Variants in ETHE1 observed in about 807,000 individuals in gnomAD.
ETHE1 encodes the protein persulfide dioxygenase ETHE1, mitochondrial.
In ETHE1, 16 loss-of-function variants were observed where a neutral mutation model predicts 25.7. That is an observed-to-expected ratio of 0.62 (90% CI 0.42 to 0.95). ETHE1 has a LOEUF of 0.95. Ranked by LOEUF, ETHE1 falls within the 40% of genes least tolerant of loss-of-function variation. ETHE1 has a pLI of 0.00. For missense variants in ETHE1, 300 were observed against 333.6 expected (o/e 0.90, Z 0.79); for synonymous variants, 139 against 135.9 (o/e 1.02, Z -0.16).
intron 5 of ETHE1, 101 bp from the exon 6 acceptor site, chr19:43,508,161 C>G (rs1310938759): frequency 1.4e-5 from 22 of 1,552,268 alleles, no homozygotes; most frequent in Non-Finnish European, 1.8e-5. Flanking sequence ...CTGGCAGGGG[C>G]TCTTCCCAGA....
Position 43,526,273 on chromosome 19 carries a change from GAC to G in ETHE1, c.301_302del (p.Val101HisfsTer5). On this transcript the variant is annotated frameshift_variant, in exon 3 of 7. Coordinates refer to ENST00000292147, the MANE Select transcript of ETHE1 (RefSeq NM_014297.5). LOFTEE classifies it high-confidence loss of function. ...LRSLLPGCQS[V>X]ISRLSGAQAD... ...CCTGGGCCCCACTAAGGCGGGAGATGACAGACTGGCAGCCAGGGAGGAGGGAA... is the reference window on the plus strand; with the variant it reads ...CCTGGGCCCCACTAAGGCGGGAGATGAGACTGGCAGCCAGGGAGGAGGGAA... 1 of 1,614,176 alleles carries G rather than the reference GAC, an allele frequency of 6.2e-7. No homozygotes were observed. Among genetic ancestry groups the G allele is most frequent in the South Asian group, 1.1e-5 (1 of 91,074 alleles).
chr19:43,516,989 T>C lies in ETHE1; in HGVS notation c.376-5423A>G, dbSNP rs78567869. ...ACATTTTATTTCTTTTTTTCATTTG[T>C]CTTTTTTTTTCTTCAGTAAAGATGG... On this transcript the variant is annotated intron_variant, in intron 3 of 6. Transcript: ENST00000292147. Among the ~76,000 whole-genome samples the C allele has an allele frequency of 2.7e-3, 411 of 152,050 alleles. 1 individual carries two copies. Among genetic ancestry groups the C allele is most frequent in the Middle Eastern group, 0.014 (4 of 294 alleles).
At chr19:43,524,928 T>G (rs1972209508) in intron 3 of ETHE1, among the ~76,000 whole-genome samples, 1 of 151,974 alleles carries the variant, frequency 6.6e-6, no homozygotes, top group Non-Finnish European at 1.5e-5. Context: ...GAGGATCACT[T>G]GTGCCCAGTA....
chr19:43,521,356 T>A (rs1161180751), intron 3 of ETHE1, among the ~76,000 whole-genome samples: 1 of 151,902 alleles, frequency 6.6e-6, no homozygotes, highest in Non-Finnish European at 1.5e-5. Flanking sequence ...GTTTTGGCGA[T>A]CCACTGCCTT....
intron 5 of ETHE1, among the ~76,000 whole-genome samples, 177 bp from the exon 6 acceptor site, chr19:43,508,237 C>T (rs1457855447): frequency 6.6e-6 from 1 of 152,120 alleles, no homozygotes; most frequent in Admixed American, 6.5e-5. Flanking sequence ...CCCCAGTTCC[C>T]TAAGCTCCAC....
At chr19:43,508,673 A>C in intron 5 of ETHE1, 102 bp downstream of exon 5, 1 of 1,042,226 alleles carries the variant, frequency 9.6e-7, no homozygotes, top group South Asian at 1.4e-5. Context: ...GGCCAGAGAA[A>C]TTTCTGAGAC....
intron 4 of ETHE1, among the ~76,000 whole-genome samples, chr19:43,509,358 A>C (rs1414547838): frequency 2.0e-5 from 3 of 152,028 alleles, no homozygotes; most frequent in African/African-American, 7.2e-5. Context: ...TTAGCCAGGC[A>C]TGGTGACCCA....
chr19:43,514,344 A>G (rs953790855), intron 3 of ETHE1, among the ~76,000 whole-genome samples: 1 of 151,712 alleles, frequency 6.6e-6, no homozygotes, highest in Non-Finnish European at 1.5e-5. Flanking sequence ...CCCTGCACAC[A>G]CTTTCTTGCC....
intron 3 of ETHE1, among the ~76,000 whole-genome samples, chr19:43,518,468 C>T (rs1326001184): frequency 6.6e-6 from 1 of 151,950 alleles, no homozygotes; most frequent in Non-Finnish European, 1.5e-5. Flanking sequence ...GCATATTGGC[C>T]GGGCGTGGTG....
At chr19:43,517,052 G>A (rs900566074) in intron 3 of ETHE1, among the ~76,000 whole-genome samples, 1 of 151,088 alleles carries the variant, frequency 6.6e-6, no homozygotes, top group African/African-American at 2.4e-5. Flanking sequence ...TTGAACTCCT[G>A]GCCTCAAGCA....
At chr19:43,507,134 C>A (rs12975497) in intron 6 of ETHE1, among the ~76,000 whole-genome samples, 1 of 110,406 alleles carries the variant, frequency 9.1e-6, no homozygotes, top group African/African-American at 3.6e-5. Context: ...AGACCCCCAG[C>A]CCCTCCTCCC....
chr19:43,516,623 C>CA (rs773021249), intron 3 of ETHE1, among the ~76,000 whole-genome samples: 5 of 110,194 alleles, frequency 4.5e-5, no homozygotes, highest in African/African-American at 1.8e-4. Flanking sequence ...TTCTTTTTTT[C>CA]TTTTTTTTTT....
chr19:43,509,688 C>T lies in ETHE1; in HGVS notation c.506-824G>A, dbSNP rs941466471. 2.0e-4 allele frequency among the ~76,000 whole-genome samples: 29 copies of T among 141,722 alleles called. No homozygotes were observed. The East Asian group carries it at 5.8e-3, about 28-fold the overall frequency. 93.0% of individuals were successfully genotyped at this position (141,722 alleles called of 152,430 possible). The stretch of plus-strand genomic sequence containing the variant: ...GCGGGCGCCTGTAGTCCCAGCTACT[C>T]GGGAGGCTGAGGCAGGAGAATGGCG... On this transcript the variant is annotated intron_variant, in intron 4 of 6. Transcript: ENST00000292147.
chr19:43,522,137 T>C (rs539615232), intron 3 of ETHE1, among the ~76,000 whole-genome samples: 29 of 152,176 alleles, frequency 1.9e-4, no homozygotes, highest in African/African-American at 6.0e-4. Flanking sequence ...CAAAGTAACA[T>C]GTAAAAACTA....
Position 43,526,270 on chromosome 19 carries a change from G to A in ETHE1, c.306C>T (p.Ile102=), listed in dbSNP as rs1972243697. 3 of 1,614,086 alleles carry A rather than the reference G, an allele frequency of 1.9e-6. No individual in the cohort carries two copies. Among genetic ancestry groups the A allele is most frequent in the Admixed American group, 1.7e-5 (1 of 60,004 alleles). The stretch of plus-strand genomic sequence containing the variant: ...CAGCCTGGGCCCCACTAAGGCGGGA[G>A]ATGACAGACTGGCAGCCAGGGAGGA... The part of the protein sequence containing the change: ...RSLLPGCQSV[I]SRLSGAQADL... Residue 102 remains isoleucine (I), a synonymous_variant, in exon 3 of 7, where the codon ATC becomes ATT. Coordinates refer to ENST00000292147, the MANE Select transcript of ETHE1 (RefSeq NM_014297.5).
intron 3 of ETHE1, among the ~76,000 whole-genome samples, chr19:43,518,688 T>C (rs1335187080): frequency 6.8e-6 from 1 of 147,424 alleles, no homozygotes; most frequent in Non-Finnish European, 1.5e-5. Flanking sequence ...GAGGCGGAGC[T>C]TGCAGTGAGC....
intron 3 of ETHE1, among the ~76,000 whole-genome samples, chr19:43,523,611 A>T (rs1568500554): frequency 6.6e-6 from 1 of 152,226 alleles, no homozygotes; most frequent in East Asian, 1.9e-4. Context: ...AAGGAAAAAT[A>T]AAGGAGAGAA....
chr19:43,509,473 G>C (rs1427829979), intron 4 of ETHE1, among the ~76,000 whole-genome samples: 1 of 149,380 alleles, frequency 6.7e-6, no homozygotes, highest in African/African-American at 2.5e-5. Flanking sequence ...CTCCAGCCTG[G>C]GAGATAGAGC....
rs767381092 is a variant in ETHE1 at position 43,526,287 on chromosome 19, C to G, written c.289G>C (p.Gly97Arg). 9 of 1,614,024 alleles carry G rather than the reference C, an allele frequency of 5.6e-6. No individual in the cohort carries two copies. The East Asian group carries it at 1.8e-4, about 32-fold the overall frequency. ...GSGLLRSLLP[G>R]CQSVISRLSG... ...AGGCGGGAGATGACAGACTGGCAGC[C>G]AGGGAGGAGGGAACGGAGCAGCCCC... The change falls in exon 3 of 7, where the codon GGC becomes CGC. Residue 97 changes from glycine (G) to arginine (R), a missense_variant. Transcript: ENST00000292147.
Sources: allele counts gnomAD v4.1 joint callset (sites outside exome capture counted in the v4.1 genomes callset), GRCh38; gene constraint gnomAD v4.1.1; transcripts MANE v1.5; gene names NCBI Gene and HGNC (gene_info 2026-07-23, HGNC 2026-07-21).